TOP1: variants seen among roughly 807,000 people sequenced by gnomAD.
TOP1 encodes the protein DNA topoisomerase I.
Under a neutral mutation model 111.1 loss-of-function variants are expected in TOP1, and 10 were observed. The ratio of observed to expected loss-of-function variants is 0.09; its 90% CI spans 0.06 to 0.15. TOP1 has a LOEUF of 0.15. TOP1 is among the 10% of genes least tolerant of loss of function. The pLI, the probability that TOP1 is intolerant of heterozygous loss-of-function variation, is 1.00. For missense variants in TOP1, 474 were observed against 926.7 expected, an observed-to-expected ratio of 0.51 and a Z score of 6.34; for synonymous variants, 271 against 302.9, an observed-to-expected ratio of 0.89 and a Z score of 1.10.
rs200014905 is a variant in TOP1 at position 41,077,656 on chromosome 20, G to A, written c.335+19G>A. 5.3e-5 allele frequency: 86 copies of A among 1,612,156 alleles called. No homozygotes were observed. The highest frequency in any genetic ancestry group is 2.3e-4 in the Admixed American group (14 of 59,980). On this transcript the variant is annotated intron_variant, in intron 5 of 20. Transcript: ENST00000361337. ...TCTCTAGGTAAGACTTTGCTGCTGC[G>A]TGGGCTTCCCTTTCTCTGGGTGGAC... is the stretch of plus-strand genomic sequence containing the variant.
At chr20:41,039,727 C>T (rs184340801) in intron 2 of TOP1, among the ~76,000 whole-genome samples, 15 of 151,916 alleles carry the variant, frequency 9.9e-5, no homozygotes, top group South Asian at 2.1e-4. Context: ...GCTAACACGG[C>T]GAAACCCCGT....
At chr20:41,120,347 A>G (rs1489874256) in intron 18 of TOP1, among the ~76,000 whole-genome samples, 1 of 152,186 alleles carries the variant, frequency 6.6e-6, no homozygotes, top group East Asian at 1.9e-4. Context: ...TCTGTTTCCA[A>G]TCTTGGGCTG....
intron 3 of TOP1, among the ~76,000 whole-genome samples, chr20:41,064,048 T>G (rs1309713285): frequency 6.6e-6 from 1 of 152,210 alleles, no homozygotes; most frequent in Non-Finnish European, 1.5e-5. Context: ...TTTTAAGTTT[T>G]ACATTTAAGT....
chr20:41,061,554 C>G lies in TOP1; in HGVS notation c.155+64C>G. 1 of 1,373,202 alleles carries G rather than the reference C, an allele frequency of 7.3e-7. No individual in the cohort carries two copies. Among genetic ancestry groups the G allele is most frequent in the Non-Finnish European group, 1.0e-6 (1 of 987,660 alleles). The allele number at this position is 1,373,202 out of a possible 1,614,324, so 85.1% of individuals were successfully genotyped here. ...GTGGGTTGGCCATTGCTTGGCTTAC[C>G]TGGAATAGGTCTTAACTTGAGCTAC... On this transcript the variant is annotated intron_variant, in intron 3 of 20. Transcript: ENST00000361337. This position sits in a 1 kb window ranked among gnomAD's most constrained non-coding sequence, Gnocchi z 4.6.
intron 18 of TOP1, among the ~76,000 whole-genome samples, chr20:41,120,445 C>T (rs1407692949): frequency 6.6e-6 from 1 of 152,208 alleles, no homozygotes; most frequent in East Asian, 1.9e-4. Context: ...GTTGTCTTCA[C>T]CTCACATAGA....
chr20:41,057,580 GT>G (rs1417697323), intron 2 of TOP1, among the ~76,000 whole-genome samples: 1 of 152,122 alleles, frequency 6.6e-6, no homozygotes, highest in African/African-American at 2.4e-5. Flanking sequence ...AAAAGTAATT[GT>G]GGGGAAAACT....
chr20:41,089,316 G>A (rs944564193), intron 8 of TOP1, among the ~76,000 whole-genome samples: 3 of 152,018 alleles, frequency 2.0e-5, no homozygotes, highest in African/African-American at 2.4e-5. Context: ...GTGAGCCACC[G>A]TGCCCAGCCT....
Position 41,029,980 on chromosome 20 carries a change from G to T in TOP1, c.58+525G>T, listed in dbSNP as rs1047227328. ...GTTATTCCCTTTATGCTTCATGTTT[G>T]TTTCCTTTTCTGCTTCCAGAATGAA... On this transcript the variant is annotated intron_variant, in intron 2 of 20. Transcript: ENST00000361337. This position sits in a 1 kb window ranked among gnomAD's most constrained non-coding sequence, Gnocchi z 6.1. Among the ~76,000 whole-genome samples the T allele has an allele frequency of 1.6e-4, 24 of 151,972 alleles. No individual in the cohort carries two copies. Among genetic ancestry groups the T allele is most frequent in the Admixed American group, 1.4e-3 (22 of 15,266 alleles).
intron 2 of TOP1, among the ~76,000 whole-genome samples, chr20:41,057,338 C>T (rs2033486401): frequency 6.6e-6 from 1 of 151,590 alleles, no homozygotes; most frequent in Non-Finnish European, 1.5e-5. Context: ...GCCGAGATCA[C>T]ACCACTGCAC....
intron 14 of TOP1, 63 bp from the exon 15 acceptor site, chr20:41,113,907 C>T (rs565457921): frequency 3.7e-5 from 40 of 1,075,072 alleles, no homozygotes; most frequent in Admixed American, 1.0e-4. Context: ...AAACACAGAA[C>T]GAAATTGTGT....
chr20:41,091,949 G>A (rs535002964), intron 8 of TOP1, among the ~76,000 whole-genome samples: 1 of 152,262 alleles, frequency 6.6e-6, no homozygotes, highest in South Asian at 2.1e-4. Flanking sequence ...ACTTATCAGT[G>A]TTTGCTAGAT....
At position 41,034,724 on chromosome 20, in the gene TOP1, C is replaced by T. The variant is rs917045918; in HGVS notation, c.58+5269C>T. On this transcript the variant is annotated intron_variant, in intron 2 of 20. Transcript: ENST00000361337. This position sits in a 1 kb window ranked among gnomAD's most constrained non-coding sequence, Gnocchi z 4.0. ...GAAGTGATGTTACTGGTATCTCATG[C>T]ATATCTCTGGAGTATATAGATCGTA... is the stretch of plus-strand genomic sequence containing the variant. Among the ~76,000 whole-genome samples the T allele has an allele frequency of 4.6e-5, 7 of 152,162 alleles. No individual in the cohort carries two copies. Among genetic ancestry groups the T allele is most frequent in the African/African-American group, 1.7e-4 (7 of 41,442 alleles).
chr20:41,122,002 C>T lies in TOP1; in HGVS notation c.2046-4C>T. 1.2e-6 allele frequency: 2 copies of T among 1,613,738 alleles called. No homozygotes were observed. Among genetic ancestry groups the T allele is most frequent in the East Asian group, 4.5e-5 (2 of 44,880 alleles). ...GGTTCTTGAGGACTTTGCTATTCTT[C>T]TAGGGTAGTAGAGTCAAAGAAGAAG... On this transcript the variant is annotated splice_polypyrimidine_tract_variant and splice_region_variant and intron_variant, in intron 19 of 20. Coordinates refer to ENST00000361337, the MANE Select transcript of TOP1 (RefSeq NM_003286.4). The surrounding 1 kb of genome is among the most constrained non-coding windows in gnomAD (Gnocchi z 5.4).
In TOP1 at chr20:41,077,542, G is replaced by A. The variant is rs769607881; in HGVS notation, c.280-40G>A. On this transcript the variant is annotated intron_variant, in intron 4 of 20. Coordinates refer to ENST00000361337, the MANE Select transcript of TOP1 (RefSeq NM_003286.4). The stretch of plus-strand genomic sequence containing the variant: ...TCAAAAAGAGGTTTCTTCAAATTTA[G>A]TCCTTTCAAGGTACTAGTTACTGTT... The A allele has an allele frequency of 3.2e-6, 5 of 1,550,466 alleles. No homozygotes were observed. The Admixed American group carries it at 6.7e-5, about 21-fold the overall frequency.
At chr20:41,036,600 T>C (rs1161875363) in intron 2 of TOP1, among the ~76,000 whole-genome samples, 1 of 151,652 alleles carries the variant, frequency 6.6e-6, no homozygotes, top group African/African-American at 2.4e-5. Flanking sequence ...TAGTGATTGA[T>C]GTTGGGGAGT....
At chr20:41,049,012 T>G (rs1346649410) in intron 2 of TOP1, among the ~76,000 whole-genome samples, 3 of 152,162 alleles carry the variant, frequency 2.0e-5, no homozygotes, top group Non-Finnish European at 4.4e-5. Context: ...AATTGTGGTG[T>G]TGTAAAGCCA....
Position 41,081,162 on chromosome 20 carries a change from T to C in TOP1, c.432-3T>C. The stretch of plus-strand genomic sequence containing the variant: ...AACTGTGTATTCATGTTCCCCTTTC[T>C]AGTGCTGATTATAAACCTAAGAAAA... On this transcript the variant is annotated splice_region_variant and splice_polypyrimidine_tract_variant and intron_variant, in intron 6 of 20. Transcript: ENST00000361337. 1.9e-6 allele frequency: 3 copies of C among 1,593,634 alleles called. No homozygotes were observed. Among genetic ancestry groups the C allele is most frequent in the Non-Finnish European group, 2.6e-6 (3 of 1,168,456 alleles).
Position 41,122,284 on chromosome 20 carries a change from C to T in TOP1, c.2195+129C>T. ...TTTAGTCCTCTGGGGAAACTTCTGG[C>T]TTCAGCTGTGTACAAGTTACTCTGG... On this transcript the variant is annotated intron_variant, in intron 20 of 20. Coordinates refer to ENST00000361337, the MANE Select transcript of TOP1 (RefSeq NM_003286.4). This position sits in a 1 kb window ranked among gnomAD's most constrained non-coding sequence, Gnocchi z 5.4. 6.2e-6 allele frequency: 6 copies of T among 965,826 alleles called. No individual in the cohort carries two copies. Among genetic ancestry groups the T allele is most frequent in the Non-Finnish European group, 9.4e-6 (6 of 635,386 alleles). The allele number at this position is 965,826 out of a possible 1,614,324, so 59.8% of individuals were successfully genotyped here.
Position 41,110,067 on chromosome 20 carries a change from A to T in TOP1, c.1309-2715A>T, listed in dbSNP as rs2034210010. ...TCTGGGAGGCCAAGGCGGGTGGATC[A>T]CTTCAGGTCAGGAGTTCGAGACCAG... is the stretch of plus-strand genomic sequence containing the variant. On this transcript the variant is annotated intron_variant, in intron 13 of 20. Coordinates refer to ENST00000361337, the MANE Select transcript of TOP1 (RefSeq NM_003286.4). This position sits in a 1 kb window ranked among gnomAD's most constrained non-coding sequence, Gnocchi z 4.2. Among the ~76,000 whole-genome samples the T allele has an allele frequency of 1.3e-5, 2 of 152,236 alleles. No homozygotes were observed. The highest frequency in any genetic ancestry group is 4.8e-5 in the African/African-American group (2 of 41,466).
Sources: allele counts gnomAD v4.1 joint callset (sites outside exome capture counted in the v4.1 genomes callset), GRCh38; gene constraint gnomAD v4.1.1; non-coding constraint Gnocchi (gnomAD v3.1); transcripts MANE v1.5; gene names NCBI Gene and HGNC (gene_info 2026-07-23, HGNC 2026-07-21).